The following PIK3R1 variants were observed in gnomAD, a reference collection of about 807,000 sequenced individuals.
The protein encoded by PIK3R1 is phosphatidylinositol 3-kinase regulatory subunit alpha.
PIK3R1 carries 29 observed loss-of-function variants against 98.0 expected under a neutral mutation model. That is an observed-to-expected ratio of 0.30 (90% CI 0.22 to 0.40). The LOEUF is 0.40. Ranked by LOEUF, PIK3R1 falls within the 10% of genes least tolerant of loss-of-function variation. The pLI is 1.00. For synonymous variants in PIK3R1, 282 were observed against 311.8 expected, an observed-to-expected ratio of 0.90 and a Z score of 1.01; for missense variants, 596 against 872.7, an observed-to-expected ratio of 0.68 and a Z score of 3.99.
intron 1 of PIK3R1, among the ~76,000 whole-genome samples, chr5:68,218,828 T>C (rs1743993555): frequency 6.6e-6 from 1 of 152,196 alleles, no homozygotes; most frequent in Admixed American, 6.5e-5. Flanking sequence ...TAGTTATCAA[T>C]GGAAGGAATT....
In PIK3R1 at chr5:68,294,651, G is replaced by A. The variant is rs2112270035; in HGVS notation, c.1541G>A (p.Arg514His). Residue 514 changes from arginine to histidine, a missense_variant, in exon 12 of 16, where the codon CGT becomes CAT. Arg to His is a conservative substitution (Grantham distance 29). This residue lies in a region of PIK3R1 where 207 missense variants were observed against 361.4 expected (regional missense o/e 0.57). Coordinates refer to ENST00000521381, the MANE Select transcript of PIK3R1 (RefSeq NM_181523.3). ...YSKEYIEKFK[R>H]EGNEKEIQRI... Reference sequence around the variant, plus strand: ...AAAGAATACATAGAAAAGTTTAAACGTGAAGGCAATGAGAAAGAAATACAA... The same window carrying A: ...AAAGAATACATAGAAAAGTTTAAACATGAAGGCAATGAGAAAGAAATACAA... The A allele has an allele frequency of 1.2e-6, 2 of 1,607,874 alleles. No homozygotes were observed. Among genetic ancestry groups the A allele is most frequent in the Non-Finnish European group, 1.7e-6 (2 of 1,177,690 alleles).
In PIK3R1 at chr5:68,273,096, C is replaced by A. The variant is rs563694893; in HGVS notation, c.335-294C>A. 8.5e-5 allele frequency among the ~76,000 whole-genome samples: 13 copies of A among 152,260 alleles called. No homozygotes were observed. In the East Asian group the frequency reaches 9.7e-4, roughly 11 times the overall value. On this transcript the variant is annotated intron_variant, in intron 2 of 15. Coordinates refer to ENST00000521381, the MANE Select transcript of PIK3R1 (RefSeq NM_181523.3). The stretch of plus-strand genomic sequence containing the variant: ...CTCCCATCCATCCTGCCACTCCCCC[C>A]ACCTTTGGGGCCCAGGGGTGTACCT...
intron 2 of PIK3R1, among the ~76,000 whole-genome samples, chr5:68,244,533 G>A (rs935667789): frequency 7.2e-5 from 1 of 13,894 alleles, no homozygotes; most frequent in African/African-American, 4.2e-4. Context: ...GCCCCCCGCC[G>A]CCGCTTCAGA....
chr5:68,231,650 G>A lies in PIK3R1; in HGVS notation c.334+4641G>A, dbSNP rs1345418009. 3.3e-5 allele frequency among the ~76,000 whole-genome samples: 5 copies of A among 152,210 alleles called. No individual in the cohort carries two copies. The South Asian group carries it at 6.2e-4, about 19-fold the overall frequency. On this transcript the variant is annotated intron_variant, in intron 2 of 15. Coordinates refer to ENST00000521381, the MANE Select transcript of PIK3R1 (RefSeq NM_181523.3). ...CAAATTACACACCTCTGCTGAGCCC[G>A]TTGGTCATAACCTACGCTGTCTCCT...
chr5:68,289,004 G>T (rs551305327), intron 7 of PIK3R1, among the ~76,000 whole-genome samples: 2 of 152,194 alleles, frequency 1.3e-5, no homozygotes, highest in Non-Finnish European at 2.9e-5. Flanking sequence ...CCAGGCCAGG[G>T]CTTGGAGAGA....
At chr5:68,251,332 T>C (rs1016846615) in intron 2 of PIK3R1, among the ~76,000 whole-genome samples, 2 of 152,156 alleles carry the variant, frequency 1.3e-5, no homozygotes, top group African/African-American at 4.8e-5. Context: ...AGATGACTTT[T>C]AGGCTGCCAG....
rs748945635 is a variant in PIK3R1 at position 68,297,625 on chromosome 5, C to G, written c.*24C>G. 1.9e-6 allele frequency: 3 copies of G among 1,606,962 alleles called. No homozygotes were observed. In the East Asian group the frequency reaches 6.7e-5, roughly 36 times the overall value. ...GAAGCGCTTACTCTTTGATCCTTCT[C>G]CTGAAGTTCAGCCACCCTGAGGCCT... On this transcript the variant is annotated 3_prime_UTR_variant, in exon 16 of 16. Transcript: ENST00000521381.
intron 3 of PIK3R1, 81 bp downstream of exon 3, chr5:68,273,563 A>T (rs2302974): frequency 8.4e-7 from 1 of 1,185,842 alleles, no homozygotes; most frequent in Non-Finnish European, 1.3e-6. Flanking sequence ...TTGTGCATTC[A>T]TTAAGTAAAT....
chr5:68,244,368 A>C (rs953946288), intron 2 of PIK3R1, among the ~76,000 whole-genome samples: 1 of 152,110 alleles, frequency 6.6e-6, no homozygotes, highest in African/African-American at 2.4e-5. Flanking sequence ...TTTGGGATTT[A>C]TTTATGGGTA....
At chr5:68,249,205 A>G (rs1275403242) in intron 2 of PIK3R1, among the ~76,000 whole-genome samples, 1 of 152,238 alleles carries the variant, frequency 6.6e-6, no homozygotes, top group Non-Finnish European at 1.5e-5. Flanking sequence ...AAAGGAATAT[A>G]TGCTTACTCA....
rs1309033316 is a variant in PIK3R1, at chr5:68,273,555, G to T, written c.427+73G>T. The T allele has an allele frequency of 2.4e-6, 3 of 1,266,966 alleles. No individual in the cohort carries two copies. The Admixed American group carries it at 5.1e-5, about 21-fold the overall frequency. The allele number at this position is 1,266,966 out of a possible 1,614,324, so 78.5% of individuals were successfully genotyped here. The stretch of plus-strand genomic sequence containing the variant: ...TCATGGCTCTTATTATTTGTCTCTT[G>T]TGCATTCATTAAGTAAATTTCCTAC... On this transcript the variant is annotated intron_variant, in intron 3 of 15. Transcript: ENST00000521381.
At chr5:68,249,501 G>C (rs923023407) in intron 2 of PIK3R1, among the ~76,000 whole-genome samples, 3 of 152,186 alleles carry the variant, frequency 2.0e-5, no homozygotes, top group Admixed American at 6.5e-5. Context: ...ACAAAATCCA[G>C]TTAAACACAC....
At chr5:68,236,950 C>T (rs139125581) in intron 2 of PIK3R1, among the ~76,000 whole-genome samples, 1 of 152,204 alleles carries the variant, frequency 6.6e-6, no homozygotes, top group South Asian at 2.1e-4. Flanking sequence ...TGCAATTTTT[C>T]TCAGGAAGAA....
intron 2 of PIK3R1, among the ~76,000 whole-genome samples, chr5:68,272,649 T>A (rs955938362): frequency 6.6e-6 from 1 of 152,196 alleles, no homozygotes; most frequent in African/African-American, 2.4e-5. Context: ...TTGTAAATGG[T>A]TAAAACGCAT....
At chr5:68,268,849 G>A (rs1197895842) in intron 2 of PIK3R1, among the ~76,000 whole-genome samples, 1 of 152,204 alleles carries the variant, frequency 6.6e-6, no homozygotes, top group African/African-American at 2.4e-5. Flanking sequence ...ATCACTTAAT[G>A]CAAAGAATGC....
intron 2 of PIK3R1, among the ~76,000 whole-genome samples, chr5:68,234,540 A>G (rs116772806): frequency 0.019 from 2,835 of 152,262 alleles, 96 homozygotes; most frequent in African/African-American, 0.065. Flanking sequence ...TGGTTTTAAG[A>G]CATGTTTCAC....
intron 2 of PIK3R1, 26 bp from the exon 3 acceptor site, chr5:68,273,364 C>T: frequency 6.3e-7 from 1 of 1,597,674 alleles, no homozygotes; most frequent in Non-Finnish European, 8.6e-7. Context: ...AAATTAAATA[C>T]AATGGTGGGA....
At chr5:68,267,183 C>T (rs571054145) in intron 2 of PIK3R1, among the ~76,000 whole-genome samples, 14 of 152,266 alleles carry the variant, frequency 9.2e-5, no homozygotes, top group African/African-American at 3.1e-4. Context: ...AATCAAACTC[C>T]AATTTAGGTG....
At chr5:68,273,885 T>C in intron 3 of PIK3R1, 54 bp from the exon 4 acceptor site, 1 of 1,348,914 alleles carries the variant, frequency 7.4e-7, no homozygotes, top group East Asian at 2.3e-5. Flanking sequence ...CCTCACAGGT[T>C]CTCCAGAGAG....
Sources: gnomAD v4.1 joint callset for allele counts (sites outside exome capture counted in the v4.1 genomes callset) on GRCh38, gnomAD v4.1.1 for gene constraint, gnomAD v4.1.1 regional missense constraint, MANE v1.5 for transcripts, NCBI Gene and HGNC (gene_info 2026-07-23, HGNC 2026-07-21) for gene names.